OXSR1: variants seen among roughly 807,000 people sequenced by gnomAD.
OXSR1 encodes the protein serine/threonine-protein kinase OSR1.
OXSR1 carries 24 observed loss-of-function variants against 79.8 expected under a neutral mutation model. That is an observed-to-expected ratio of 0.30 (90% confidence interval 0.22 to 0.42). OXSR1 has a LOEUF of 0.42. Among genes scored for constraint, OXSR1 ranks in the 10% least tolerant of loss-of-function variants. OXSR1 has a pLI of 1.00. For synonymous variants in OXSR1, 226 were observed against 209.2 expected (o/e 1.08, Z -0.69); for missense variants, 430 against 618.4 (o/e 0.70, Z 3.23).
chr3:38,221,271 A>G (rs1265289740), intron 5 of OXSR1, among the ~76,000 whole-genome samples: 2 of 151,982 alleles, frequency 1.3e-5, no homozygotes, highest in Non-Finnish European at 2.9e-5. Context: ...GGTACCTGCT[A>G]AGCTATGTCT....
intron 1 of OXSR1, among the ~76,000 whole-genome samples, chr3:38,166,270 C>T (rs764591195): frequency 1.3e-5 from 2 of 152,056 alleles, no homozygotes; most frequent in African/African-American, 4.8e-5. Context: ...TGGGACAGGC[C>T]TTTCCGAGGC....
chr3:38,172,592 G>T (rs1243971089), intron 1 of OXSR1, among the ~76,000 whole-genome samples: 1 of 152,146 alleles, frequency 6.6e-6, no homozygotes, highest in African/African-American at 2.4e-5. Context: ...CACATTTTGA[G>T]TTTAAAGTTG....
intron 10 of OXSR1, among the ~76,000 whole-genome samples, chr3:38,231,441 T>G (rs962374249): frequency 6.6e-6 from 1 of 152,138 alleles, no homozygotes; most frequent in Admixed American, 6.5e-5. Context: ...GCTACTAGGT[T>G]AAAAACTCAC....
At position 38,179,440 on chromosome 3, in the gene OXSR1, T is replaced by TCC. The variant is rs576125991; in HGVS notation, c.71-3563_71-3562insCC. 7.1e-3 allele frequency among the ~76,000 whole-genome samples: 1,076 copies of TCC among 152,310 alleles called. 18 individuals carry two copies. The highest frequency in any genetic ancestry group is 0.025 in the African/African-American group (1,032 of 41,556). On this transcript the variant is annotated intron_variant, in intron 1 of 17. Transcript: ENST00000311806. ...CCTTGGCCTCCCAAAGTGTTAGGACTACAGGCGTGAGTCATTATTTCTGGC... is the reference window on the plus strand; with the variant it reads ...CCTTGGCCTCCCAAAGTGTTAGGACTCCACAGGCGTGAGTCATTATTTCTGGC...
chr3:38,223,662 C>T (rs9883887), intron 6 of OXSR1, 150 bp from the exon 7 acceptor site: 4 of 477,604 alleles, frequency 8.4e-6, no homozygotes, highest in Non-Finnish European at 1.1e-5. Flanking sequence ...GTTGGTCAGG[C>T]CGGTCTTGAA....
At chr3:38,200,416 C>T (rs1397903220) in intron 4 of OXSR1, among the ~76,000 whole-genome samples, 2 of 152,096 alleles carry the variant, frequency 1.3e-5, no homozygotes, top group Non-Finnish European at 2.9e-5. Flanking sequence ...AAACATAATG[C>T]CATGTTGTCC....
intron 1 of OXSR1, among the ~76,000 whole-genome samples, chr3:38,177,371 C>G (rs1299091940): frequency 6.6e-6 from 1 of 152,212 alleles, no homozygotes; most frequent in Non-Finnish European, 1.5e-5. Flanking sequence ...CATTCTGCCT[C>G]TCTGTCTTAC....
chr3:38,183,198 T>G, intron 2 of OXSR1, 83 bp downstream of exon 2: 2 of 582,886 alleles, frequency 3.4e-6, no homozygotes, highest in South Asian at 3.6e-5. Context: ...AGTTTTTGAT[T>G]TGTTTCTTTT....
intron 6 of OXSR1, among the ~76,000 whole-genome samples, chr3:38,223,270 C>T (rs1409553346): frequency 2.0e-5 from 3 of 152,086 alleles, no homozygotes; most frequent in Non-Finnish European, 4.4e-5. Context: ...TGTAGGCATA[C>T]GTCACCACTC....
chr3:38,223,395 G>C (rs962357264), intron 6 of OXSR1, among the ~76,000 whole-genome samples: 1 of 151,368 alleles, frequency 6.6e-6, no homozygotes, highest in Non-Finnish European at 1.5e-5. Context: ...GCCTCTCAAA[G>C]TGTTGGGATT....
At chr3:38,236,247 A>AT (rs35487949) in intron 10 of OXSR1, among the ~76,000 whole-genome samples, 152,183 of 152,280 alleles carry the variant, frequency 1, 76,047 homozygotes, top group Middle Eastern at 1. Flanking sequence ...TTCATCTTCT[A>AT]TGTGGGAAGT....
At chr3:38,234,373 G>GA (rs1382074915) in intron 10 of OXSR1, among the ~76,000 whole-genome samples, 6 of 152,192 alleles carry the variant, frequency 3.9e-5, no homozygotes, top group African/African-American at 1.4e-4. Context: ...CTTGTATCTA[G>GA]AATATATAAA....
At chr3:38,228,986 C>G (rs998608394) in intron 8 of OXSR1, among the ~76,000 whole-genome samples, 2 of 152,156 alleles carry the variant, frequency 1.3e-5, no homozygotes, top group African/African-American at 4.8e-5. Flanking sequence ...TGCTCAGGAT[C>G]AGGTAGGTGT....
chr3:38,244,666 T>TGTGTGTGC (rs748851263), intron 12 of OXSR1, among the ~76,000 whole-genome samples: 83 of 144,052 alleles, frequency 5.8e-4, no homozygotes, highest in East Asian at 3.8e-3. Flanking sequence ...TGTGTGTGTG[T>TGTGTGTGC]GCGTGCGCAT....
At chr3:38,181,305 T>C (rs889895033) in intron 1 of OXSR1, among the ~76,000 whole-genome samples, 1 of 152,004 alleles carries the variant, frequency 6.6e-6, no homozygotes, top group Non-Finnish European at 1.5e-5. Context: ...CTTTAAAAAG[T>C]AAGTTCTACT....
At chr3:38,209,516 G>A (rs1702341706) in intron 4 of OXSR1, among the ~76,000 whole-genome samples, 1 of 151,914 alleles carries the variant, frequency 6.6e-6, no homozygotes, top group South Asian at 2.1e-4. Flanking sequence ...CTTCTGCCTC[G>A]GCCTTCCAAA....
chr3:38,197,359 T>C (rs1702088220), intron 3 of OXSR1, among the ~76,000 whole-genome samples: 1 of 152,236 alleles, frequency 6.6e-6, no homozygotes, highest in Non-Finnish European at 1.5e-5. Flanking sequence ...CTCTGTCTTA[T>C]CTGAACTTTC....
chr3:38,167,741 G>A (rs1195664968), intron 1 of OXSR1, among the ~76,000 whole-genome samples: 4 of 152,196 alleles, frequency 2.6e-5, no homozygotes, highest in Non-Finnish European at 5.9e-5. Flanking sequence ...GTATTCGTTG[G>A]TTCTAAAGAC....
At chr3:38,206,286 G>T (rs1333220792) in intron 4 of OXSR1, among the ~76,000 whole-genome samples, 3 of 152,166 alleles carry the variant, frequency 2.0e-5, no homozygotes, top group Non-Finnish European at 4.4e-5. Flanking sequence ...AATTCTGAAT[G>T]AGAATTCCCA....
Sources: gnomAD v4.1 joint callset for allele counts (sites outside exome capture counted in the v4.1 genomes callset) on GRCh38, gnomAD v4.1.1 for gene constraint, MANE v1.5 for transcripts, NCBI Gene and HGNC (gene_info 2026-07-23, HGNC 2026-07-21) for gene names.